DGKZ: variants seen among roughly 807,000 people sequenced by gnomAD.
The protein encoded by DGKZ is DAG kinase zeta.
Under a neutral mutation model 142.5 loss-of-function variants are expected in DGKZ, and 45 were observed. The ratio of observed to expected loss-of-function variants is 0.32; its 90% CI spans 0.25 to 0.40. The LOEUF (loss-of-function observed/expected upper bound fraction) is 0.40, where lower values mean the gene tolerates loss of function less well. Ranked by LOEUF, DGKZ falls within the 10% of genes least tolerant of loss-of-function variation. The pLI is 1.00. For missense variants in DGKZ, 755 were observed against 1,306.5 expected (o/e 0.58, Z 6.51); for synonymous variants, 442 against 527.0 (o/e 0.84, Z 2.21).
chr11:46,375,112 C>T (rs1355770088), intron 19 of DGKZ, 67 bp downstream of exon 19: 3 of 1,412,240 alleles, frequency 2.1e-6, no homozygotes, highest in Non-Finnish European at 2.8e-6. Context: ...CACCCATACT[C>T]ACCTCCATGG....
chr11:46,334,186 G>A (rs1939898991), intron 1 of DGKZ, among the ~76,000 whole-genome samples: 1 of 152,222 alleles, frequency 6.6e-6, no homozygotes, highest in Admixed American at 6.5e-5. Context: ...GTTAATGAGG[G>A]AGGACAGCCC....
At chr11:46,351,806 G>A (rs777791814) in intron 1 of DGKZ, among the ~76,000 whole-genome samples, 1 of 152,178 alleles carries the variant, frequency 6.6e-6, no homozygotes, top group African/African-American at 2.4e-5. Context: ...TATACAGCTG[G>A]CCCCTGCTGG....
intron 4 of DGKZ, 147 bp downstream of exon 4, chr11:46,368,226 T>C (rs1943548164): frequency 1.2e-6 from 1 of 819,862 alleles, no homozygotes; most frequent in Non-Finnish European, 2.1e-6. Context: ...TGGAGCCAAA[T>C]GCCTGCGTTC....
At chr11:46,333,418 G>C in exon 1 of DGKZ, 1 of 1,522,056 alleles carries the variant, frequency 6.6e-7, no homozygotes, top group Non-Finnish European at 8.8e-7. Context: ...GGTTCCCGGG[G>C]CACGGCCGCT....
At position 46,375,458 on chromosome 11, in the gene DGKZ, C is replaced by T. The variant is rs756784210; in HGVS notation, c.1737C>T (p.Gly579=). ...CCGCGCTGCAGGTGGGCGGACACGG[C>T]GAGCGGCTGACGCAGTGTCGCGAGG... The change falls in exon 20 of 31, where the codon GGC becomes GGT. Residue 579 remains glycine, a synonymous_variant. Transcript: ENST00000527911. 27 of 1,579,394 alleles carry T rather than the reference C, an allele frequency of 1.7e-5. No homozygotes were observed. The Middle Eastern group carries it at 7.1e-4, about 42-fold the overall frequency.
At chr11:46,377,240 C>T in intron 25 of DGKZ, 28 bp downstream of exon 25, 1 of 1,549,774 alleles carries the variant, frequency 6.5e-7, no homozygotes, top group South Asian at 1.2e-5. Context: ...GTCCCTCCAG[C>T]CCCTGGCTTT....
At chr11:46,378,123 C>T in intron 25 of DGKZ, 75 bp from the exon 26 acceptor site, 1 of 1,551,068 alleles carries the variant, frequency 6.4e-7, no homozygotes, top group Non-Finnish European at 8.7e-7. Flanking sequence ...ATGAAGATGC[C>T]CCCAGTTGGG....
At chr11:46,356,216 A>G (rs1382309494) in intron 1 of DGKZ, among the ~76,000 whole-genome samples, 1 of 152,132 alleles carries the variant, frequency 6.6e-6, no homozygotes, top group African/African-American at 2.4e-5. Context: ...TAAGGGAGAT[A>G]TATTGGCATT....
intron 25 of DGKZ, 120 bp from the exon 26 acceptor site, chr11:46,378,071 AGTGCTTG>A: frequency 1.7e-6 from 2 of 1,203,516 alleles, no homozygotes; most frequent in Non-Finnish European, 2.4e-6. Context: ...TGCCTGGAAT[AGTGCTTG>A]GTGTGTAGCA....
At position 46,365,292 on chromosome 11, in the gene DGKZ, C is replaced by T. The variant is rs571520671; in HGVS notation, c.162-1999C>T. 5.1e-5 allele frequency: 50 copies of T among 985,432 alleles called. No individual in the cohort carries two copies. The South Asian group carries it at 2.0e-3, about 39-fold the overall frequency. 61.0% of individuals were successfully genotyped at this position (985,432 alleles called of 1,614,324 possible). On this transcript the variant is annotated intron_variant, in intron 1 of 30. Coordinates refer to ENST00000527911, the Ensembl canonical transcript of DGKZ. ...CAGAAGAATGTGCAGTCACAGGCTC[C>T]ATCAGGAGCAGAGTCAGAAGGGTTT...
chr11:46,364,600 C>T (rs1175845507), intron 1 of DGKZ: 2 of 985,324 alleles, frequency 2.0e-6, no homozygotes, highest in Non-Finnish European at 2.4e-6. Flanking sequence ...CTTCCCTAGG[C>T]ACCTCCACCC....
upstream of DGKZ, chr11:46,347,271 G>A: frequency 1.0e-6 from 1 of 975,460 alleles, no homozygotes; most frequent in Non-Finnish European, 1.2e-6. The surrounding 1 kb of genome is among the most constrained non-coding windows in gnomAD (Gnocchi z 6.4). Context: ...GGGCCGGGCT[G>A]GGGGCAGGGC....
In DGKZ at chr11:46,373,116, G is replaced by A. The variant is rs573187433; in HGVS notation, c.1326+15G>A. 21 of 1,538,482 alleles carry A rather than the reference G, an allele frequency of 1.4e-5. No individual in the cohort carries two copies. The highest frequency in any genetic ancestry group is 1.8e-5 in the Non-Finnish European group (21 of 1,142,932). On this transcript the variant is annotated intron_variant, in intron 14 of 30. Transcript: ENST00000527911. ...CCACCGACCGGGTAAGTTGGCCAGGGTTGGTGGGGGGCAGGGCAGGTGACT... is the reference window on the plus strand; with the variant it reads ...CCACCGACCGGGTAAGTTGGCCAGGATTGGTGGGGGGCAGGGCAGGTGACT...
At chr11:46,369,395 C>T (rs748374108) in intron 4 of DGKZ, 99 bp from the exon 5 acceptor site, 2 of 1,430,388 alleles carry the variant, frequency 1.4e-6, no homozygotes, top group Non-Finnish European at 2.0e-6. Flanking sequence ...GTATCCCCAC[C>T]TTGTGAGGAT....
At chr11:46,370,072 G>A in intron 6 of DGKZ, 63 bp downstream of exon 6, 1 of 1,600,510 alleles carries the variant, frequency 6.2e-7, no homozygotes, top group Non-Finnish European at 8.6e-7. Context: ...AGGCCATGTG[G>A]CCGGTGTGGC....
At chr11:46,364,036 G>A (rs1412155934) in intron 1 of DGKZ, among the ~76,000 whole-genome samples, 1 of 152,232 alleles carries the variant, frequency 6.6e-6, no homozygotes, top group Non-Finnish European at 1.5e-5. Context: ...GATTACACGA[G>A]ATGATAAAGT....
At chr11:46,364,459 C>T (rs757631028) in intron 1 of DGKZ, 19 of 1,274,112 alleles carry the variant, frequency 1.5e-5, no homozygotes, top group East Asian at 5.6e-5. Flanking sequence ...CAGCTCCCTC[C>T]GGCCCAGGTG....
intron 24 of DGKZ, 61 bp downstream of exon 24, chr11:46,376,625 T>C (rs1944575932): frequency 5.0e-6 from 8 of 1,604,240 alleles, no homozygotes; most frequent in Non-Finnish European, 6.0e-6. Context: ...TCGCCTCTCC[T>C]GGGACGCCTT....
chr11:46,363,917 G>A (rs1431342706), intron 1 of DGKZ, among the ~76,000 whole-genome samples: 3 of 152,198 alleles, frequency 2.0e-5, no homozygotes, highest in Non-Finnish European at 4.4e-5. Flanking sequence ...CCCGAATGCC[G>A]CTGACTGGCC....
Sources: allele counts gnomAD v4.1 joint callset (sites outside exome capture counted in the v4.1 genomes callset), GRCh38; gene constraint gnomAD v4.1.1; non-coding constraint Gnocchi (gnomAD v3.1); transcripts MANE v1.5; gene names NCBI Gene and HGNC (gene_info 2026-07-23, HGNC 2026-07-21).